The following BICDL1 variants were observed in gnomAD, a reference collection of about 807,000 sequenced individuals.
The protein encoded by BICDL1 is BICD family like cargo adaptor 1.
Under a neutral mutation model 76.8 loss-of-function variants are expected in BICDL1, and 20 were observed. The observed-to-expected ratio is 0.26, with a 90% CI of 0.18 to 0.38. The LOEUF (loss-of-function observed/expected upper bound fraction) is 0.38. Among genes scored for constraint, BICDL1 ranks in the 10% least tolerant of loss-of-function variants. BICDL1 has a pLI of 1.00. For synonymous variants in BICDL1, 383 were observed against 337.1 expected, an observed-to-expected ratio of 1.14 and a Z score of -1.49; for missense variants, 700 against 798.6, an observed-to-expected ratio of 0.88 and a Z score of 1.49.
In BICDL1 at chr12:120,045,263, G is replaced by A. The variant is rs567149492; in HGVS notation, c.646-16447G>A. ...AGAATGGCAATCATTAAAAAGTCAGGAAACAACAAGTGCTGGAGAGAATGT... is the reference window on the plus strand; with the variant it reads ...AGAATGGCAATCATTAAAAAGTCAGAAAACAACAAGTGCTGGAGAGAATGT... On this transcript the variant is annotated intron_variant, in intron 2 of 9. Transcript: ENST00000548673. Among the ~76,000 whole-genome samples, 3 of 152,282 alleles carry A rather than the reference G, an allele frequency of 2.0e-5. No individual in the cohort carries two copies. In the East Asian group the frequency reaches 5.8e-4, roughly 29 times the overall value.
intron 9 of BICDL1, chr12:120,091,400 AG>A: frequency 9.9e-7 from 1 of 1,013,604 alleles, no homozygotes; most frequent in South Asian, 3.9e-5. Context: ...CAGCTTTGAA[AG>A]GTTGGTTTTT....
intron 8 of BICDL1, among the ~76,000 whole-genome samples, chr12:120,081,823 A>G (rs531645408): frequency 4.0e-5 from 6 of 151,178 alleles, no homozygotes; most frequent in African/African-American, 1.2e-4. Context: ...TATTTCATCT[A>G]TATCCTCACC....
intron 1 of BICDL1, 44 bp from the exon 2 acceptor site, chr12:119,998,477 G>A (rs1316540490): frequency 5.3e-6 from 8 of 1,516,200 alleles, no homozygotes; most frequent in Non-Finnish European, 7.1e-6. Context: ...ATAAAAGGCT[G>A]TGGAATTTTT....
chr12:120,046,526 TA>T (rs1415790671), intron 2 of BICDL1, among the ~76,000 whole-genome samples: 1 of 152,258 alleles, frequency 6.6e-6, no homozygotes, highest in Non-Finnish European at 1.5e-5. Flanking sequence ...TACTTTCTCC[TA>T]AATGTAAGGG....
At chr12:120,040,206 C>G (rs1465097359) in intron 2 of BICDL1, among the ~76,000 whole-genome samples, 1 of 151,900 alleles carries the variant, frequency 6.6e-6, no homozygotes, top group Non-Finnish European at 1.5e-5. Flanking sequence ...GGGTTCAAGC[C>G]ATTCTCCTGC....
intron 7 of BICDL1, 49 bp downstream of exon 7, chr12:120,074,635 TG>T (rs2138958369): frequency 9.6e-7 from 1 of 1,040,330 alleles, no homozygotes; most frequent in African/African-American, 1.7e-5. Context: ...CACCTGCCCC[TG>T]GCTCTCTTGG....
chr12:119,993,698 C>G lies in BICDL1; in HGVS notation c.429+3401C>G, dbSNP rs552642731. Among the ~76,000 whole-genome samples, 167 of 151,506 alleles carry G rather than the reference C, an allele frequency of 1.1e-3. 1 individual carries two copies. The highest frequency in any genetic ancestry group is 2.5e-3 in the Admixed American group (38 of 15,218). Reference sequence around the variant, plus strand: ...GTGGCGTGATACCAGCTCACTGCAACCTCTCTGCCTCCTGGATTCAAGCGA... The same window carrying G: ...GTGGCGTGATACCAGCTCACTGCAAGCTCTCTGCCTCCTGGATTCAAGCGA... On this transcript the variant is annotated intron_variant, in intron 1 of 9. Coordinates refer to ENST00000548673, the MANE Select transcript of BICDL1 (RefSeq NM_001367886.1).
At chr12:120,075,435 C>G (rs1873465732) in intron 7 of BICDL1, among the ~76,000 whole-genome samples, 1 of 151,682 alleles carries the variant, frequency 6.6e-6, no homozygotes. Flanking sequence ...TCACTCTTGC[C>G]CAGGCTGGAG....
At chr12:120,081,747 C>T (rs774141063) in intron 8 of BICDL1, among the ~76,000 whole-genome samples, 1 of 150,530 alleles carries the variant, frequency 6.6e-6, no homozygotes, top group African/African-American at 2.4e-5. Context: ...CAAGCAAACA[C>T]AAAAATAGAA....
chr12:120,030,363 G>A (rs1952397407), intron 2 of BICDL1, among the ~76,000 whole-genome samples: 1 of 152,188 alleles, frequency 6.6e-6, no homozygotes, highest in Non-Finnish European at 1.5e-5. Flanking sequence ...TTAAACCCAA[G>A]AAAGAGCCTA....
chr12:120,026,376 T>C (rs545526920), intron 2 of BICDL1, among the ~76,000 whole-genome samples: 1 of 152,304 alleles, frequency 6.6e-6, no homozygotes, highest in African/African-American at 2.4e-5. Flanking sequence ...TTGTATAGTA[T>C]AATATTTACT....
chr12:120,056,799 G>A (rs1952983960), intron 2 of BICDL1, among the ~76,000 whole-genome samples: 1 of 152,224 alleles, frequency 6.6e-6, no homozygotes, highest in Admixed American at 6.5e-5. Context: ...CCTGGCAGGA[G>A]AGTGGCTGCA....
At position 120,009,233 on chromosome 12, in the gene BICDL1, G is replaced by T. The variant is rs186661520; in HGVS notation, c.645+10497G>T. ...GATCTTCTGACTTCATGATCCGCCCGCCTCGGCCTCCCAAAGTGCTGGGAT... is the reference window on the plus strand; with the variant it reads ...GATCTTCTGACTTCATGATCCGCCCTCCTCGGCCTCCCAAAGTGCTGGGAT... On this transcript the variant is annotated intron_variant, in intron 2 of 9. Coordinates refer to ENST00000548673, the MANE Select transcript of BICDL1 (RefSeq NM_001367886.1). Among the ~76,000 whole-genome samples, 5 of 152,180 alleles carry T rather than the reference G, an allele frequency of 3.3e-5. No individual in the cohort carries two copies. The East Asian group carries it at 7.7e-4, about 24-fold the overall frequency.
rs528069100 is a variant in BICDL1 at position 120,070,694 on chromosome 12, T to A, written c.910-928T>A. ...ATTTTTGTTTGAATCAAGATACAGATTAAAATGGGCCTACATAGTGCGATT... is the reference window on the plus strand; with the variant it reads ...ATTTTTGTTTGAATCAAGATACAGAATAAAATGGGCCTACATAGTGCGATT... On this transcript the variant is annotated intron_variant, in intron 4 of 9. Transcript: ENST00000548673. 5.3e-5 allele frequency among the ~76,000 whole-genome samples: 8 copies of A among 152,298 alleles called. No homozygotes were observed. The South Asian group carries it at 1.2e-3, about 24-fold the overall frequency.
chr12:120,069,534 C>CA, intron 4 of BICDL1, among the ~76,000 whole-genome samples: 1 of 152,314 alleles, frequency 6.6e-6, no homozygotes, highest in African/African-American at 2.4e-5. Flanking sequence ...AGTCACTTTT[C>CA]ACCTGTGACT....
At chr12:120,043,581 A>G (rs181589719) in intron 2 of BICDL1, among the ~76,000 whole-genome samples, 245 of 152,340 alleles carry the variant, frequency 1.6e-3, no homozygotes, top group African/African-American at 5.8e-3. Context: ...AAGTAAATCT[A>G]CTTGAGCCAT....
At chr12:119,998,000 G>C (rs976732186) in intron 1 of BICDL1, among the ~76,000 whole-genome samples, 4 of 152,086 alleles carry the variant, frequency 2.6e-5, no homozygotes, top group African/African-American at 9.7e-5. Context: ...TGTAATTCCA[G>C]CTGCTTGAGA....
chr12:120,030,773 C>T (rs1457891370), intron 2 of BICDL1, among the ~76,000 whole-genome samples: 1 of 152,076 alleles, frequency 6.6e-6, no homozygotes, highest in Non-Finnish European at 1.5e-5. Context: ...TATTTTTCTT[C>T]CTTACAATAC....
rs1243938877 is a variant in BICDL1 at position 119,989,547 on chromosome 12, C to T, written c.-322C>T. ...CTCCTCGCTTCCTCCCCTCCCGCTT[C>T]GCCGACCCTCAGTCTCTGTTCCTGA... is the stretch of plus-strand genomic sequence containing the variant. On this transcript the variant is annotated 5_prime_UTR_variant, in exon 1 of 10. Transcript: ENST00000548673. Among the ~76,000 whole-genome samples, 3 of 150,536 alleles carry T rather than the reference C, an allele frequency of 2.0e-5. No homozygotes were observed. The highest frequency in any genetic ancestry group is 4.4e-5 in the Non-Finnish European group (3 of 67,420).
Sources: allele counts gnomAD v4.1 joint callset (sites outside exome capture counted in the v4.1 genomes callset), GRCh38; gene constraint gnomAD v4.1.1; transcripts MANE v1.5; gene names NCBI Gene and HGNC (gene_info 2026-07-23, HGNC 2026-07-21).